The following CDK12 variants were observed in gnomAD, a reference collection of about 807,000 sequenced individuals.
CDK12 encodes the protein cyclin dependent kinase 12, also known as cyclin-dependent kinase 12.
A neutral mutation model predicts 133.8 loss-of-function variants in CDK12; 17 were observed. The observed-to-expected ratio is 0.13, with a 90% CI of 0.09 to 0.19. The LOEUF (loss-of-function observed/expected upper bound fraction) is 0.19, where lower values mean the gene tolerates loss of function less well. CDK12 is among the 10% of genes least tolerant of loss of function. The pLI, the probability that CDK12 is intolerant of heterozygous loss-of-function variation, is 1.00. For missense variants in CDK12, 1,508 were observed against 1,818.7 expected, an observed-to-expected ratio of 0.83 and a Z score of 3.11; for synonymous variants, 694 against 683.6, an observed-to-expected ratio of 1.02 and a Z score of -0.24.
chr17:39,559,240 C>T (rs1434147419), intron 3 of CDK12, among the ~76,000 whole-genome samples: 3 of 152,104 alleles, frequency 2.0e-5, no homozygotes, highest in Non-Finnish European at 4.4e-5. Flanking sequence ...CCACTTTCAC[C>T]GAATGGTGAC....
chr17:39,473,612 C>T (rs892345219), intron 2 of CDK12, among the ~76,000 whole-genome samples: 1 of 151,946 alleles, frequency 6.6e-6, no homozygotes, highest in Non-Finnish European at 1.5e-5. Context: ...CGGGTGTGGC[C>T]AGGTGCGGTG....
chr17:39,547,466 G>A (rs1289729103), upstream of CDK12, among the ~76,000 whole-genome samples: 2 of 152,120 alleles, frequency 1.3e-5, no homozygotes, highest in African/African-American at 2.4e-5. Context: ...ATGGTTTTAT[G>A]TGTGCATTTG....
chr17:39,515,840 G>T (rs2146468375), intron 9 of CDK12, 32 bp downstream of exon 9: 1 of 1,375,424 alleles, frequency 7.3e-7, no homozygotes, highest in East Asian at 2.3e-5. Flanking sequence ...TGAGTGCCCA[G>T]GTGTGATAGG....
intron 13 of CDK12, among the ~76,000 whole-genome samples, chr17:39,528,154 T>A (rs7405770): frequency 0.69 from 103,662 of 151,104 alleles, 36,329 homozygotes; most frequent in South Asian, 0.89. Context: ...TGCCGACCTC[T>A]GGTGATCCAC....
rs8080529 is a variant in CDK12 at position 39,499,218 on chromosome 17, T to C, written c.2420-2032T>C. On this transcript the variant is annotated intron_variant, in intron 5 of 13. Coordinates refer to ENST00000447079, the MANE Select transcript of CDK12 (RefSeq NM_016507.4). ...TTCTTTCTTTCTTTCCTTTTTTTTT[T>C]TTTTTTGAGACAGAGTCTTGCTCTT... Among the ~76,000 whole-genome samples, 8 of 106,796 alleles carry C rather than the reference T, an allele frequency of 7.5e-5. 1 individual carries two copies. The highest frequency in any genetic ancestry group is 4.1e-4 in the Admixed American group (4 of 9,722). 70.1% of individuals were successfully genotyped at this position (106,796 alleles called of 152,430 possible).
In CDK12 at chr17:39,461,849, C is replaced by G. The variant is rs1234622008; in HGVS notation, c.-223C>G. ...CCCCGTTGTCTCGCAACTCCACTGC[C>G]GAGGAACTCTCATTTCTTCCCTCGC... On this transcript the variant is annotated 5_prime_UTR_variant, in exon 1 of 14. Transcript: ENST00000447079. 5.2e-6 allele frequency: 3 copies of G among 577,932 alleles called. No individual in the cohort carries two copies. The highest frequency in any genetic ancestry group is 2.8e-5 in the East Asian group (1 of 35,280). The allele number at this position is 577,932 out of a possible 1,614,324, so 35.8% of individuals were successfully genotyped here.
At position 39,471,595 on chromosome 17, in the gene CDK12, C is replaced by T. The variant is rs754684736; in HGVS notation, c.1763C>T (p.Thr588Ile). ...AGTACTTCAACTTTGCCCCCTTCTA[C>T]TCACTCAAAGACATCTGCTGTGTCC... ...ASSTSTLPPS[T>I]HSKTSAVSSQ... is the part of the protein sequence containing the mutation. Residue 588 changes from threonine (T) to isoleucine (I), a missense_variant, in exon 2 of 14, where the codon ACT (threonine) becomes ATT (isoleucine). By Grantham distance (89) the Thr-to-Ile change is moderately conservative. This residue lies in a region of CDK12 where 347 missense variants were observed against 330.8 expected (regional missense o/e 1.05). Transcript: ENST00000447079. The T allele has an allele frequency of 1.9e-5, 31 of 1,614,172 alleles. No homozygotes were observed. The South Asian group carries it at 2.6e-4, about 14-fold the overall frequency.
upstream of CDK12, chr17:39,549,971 ACT>A (rs1328125164): frequency 7.0e-6 from 1 of 142,876 alleles, no homozygotes; most frequent in East Asian, 2.1e-4. Flanking sequence ...GTCTTCCTCT[ACT>A]CTCTCCCTCA....
At chr17:39,561,914 C>T (rs751401700) in intron 3 of CDK12, among the ~76,000 whole-genome samples, 9 of 152,080 alleles carry the variant, frequency 5.9e-5, no homozygotes, top group Non-Finnish European at 1.2e-4. Flanking sequence ...TGAGGCTAGA[C>T]CTGGAATGGG....
intron 5 of CDK12, 62 bp downstream of exon 5, chr17:39,494,756 TTTTTC>T (rs2145918916): frequency 1.6e-6 from 2 of 1,248,564 alleles, no homozygotes; most frequent in Non-Finnish European, 2.2e-6. Flanking sequence ...TTTCTTTTTT[TTTTTC>T]TTTCTTTCTT....
intron 5 of CDK12, among the ~76,000 whole-genome samples, chr17:39,501,031 C>G (rs2052683146): frequency 2.0e-5 from 3 of 152,138 alleles, no homozygotes; most frequent in Admixed American, 2.0e-4. Flanking sequence ...CCACTGCGCC[C>G]AGCCACAGAA....
Position 39,462,418 on chromosome 17 carries a change from A to T in CDK12, c.347A>T (p.His116Leu), listed in dbSNP as rs200703770. Residue 116 changes from histidine (H) to leucine (L), a missense_variant, in exon 1 of 14, where the codon CAC (histidine) becomes CTC (leucine). Around this residue, in one of 9 missense-constraint regions of CDK12, gnomAD observed 460 missense variants for 490.8 expected, o/e 0.94. Coordinates refer to ENST00000447079, the MANE Select transcript of CDK12 (RefSeq NM_016507.4). ...CTGCACAAACATCGTCACCACCAGC[A>T]CAGGCGTTCCCGGGACTTACTAAAA... ...DRLHKHRHHQ[H>L]RRSRDLLKAK... The T allele has an allele frequency of 6.2e-7, 1 of 1,614,034 alleles. No homozygotes were observed. Among genetic ancestry groups the T allele is most frequent in the Admixed American group, 1.7e-5 (1 of 59,988 alleles).
rs961023194 is a variant in CDK12 at position 39,534,046 on chromosome 17, G to C, written c.*2730G>C. On this transcript the variant is annotated 3_prime_UTR_variant, in exon 14 of 14. Coordinates refer to ENST00000447079, the MANE Select transcript of CDK12 (RefSeq NM_016507.4). ...TTGAACAGATGAGAAATCTGATTCT[G>C]TTCATGAGTGGGAGGCAAAACTGGT... 31 of 232,422 alleles carry C rather than the reference G, an allele frequency of 1.3e-4. 1 individual carries two copies. The East Asian group carries it at 1.8e-3, about 14-fold the overall frequency. The allele number at this position is 232,422 out of a possible 1,614,324, so 14.4% of individuals were successfully genotyped here.
At chr17:39,526,835 C>T (rs2054525552) in intron 13 of CDK12, among the ~76,000 whole-genome samples, 1 of 152,250 alleles carries the variant, frequency 6.6e-6, no homozygotes, top group Admixed American at 6.5e-5. Context: ...AGATAATTAA[C>T]ACTATACATT....
rs2146372669 is a variant in CDK12 at position 39,511,550 on chromosome 17, C to T, written c.2688C>T (p.Val896=). ...TCAGTCGCCCTTACACAAACAAAGTCATTACTTTGTGGTACCGACCTCCAG... is the reference window on the plus strand; with the variant it reads ...TCAGTCGCCCTTACACAAACAAAGTTATTACTTTGTGGTACCGACCTCCAG... The part of the protein sequence containing the change: ...SEESRPYTNK[V]ITLWYRPPEL... Residue 896 remains valine (V), a synonymous_variant, in exon 8 of 14, where the codon GTC becomes GTT. Transcript: ENST00000447079. 6.2e-7 allele frequency: 1 copy of T among 1,608,008 alleles called. No individual in the cohort carries two copies. The highest frequency in any genetic ancestry group is 8.5e-7 in the Non-Finnish European group (1 of 1,175,070).
Position 39,534,234 on chromosome 17 carries a change from T to A in CDK12, c.*2918T>A, listed in dbSNP as rs1214138693. Reference sequence around the variant, plus strand: ...CACAAATTTGCAAGTAGAACTTCTATTAGCTTATGCCATAGACATCACCCA... The same window carrying A: ...CACAAATTTGCAAGTAGAACTTCTAATAGCTTATGCCATAGACATCACCCA... On this transcript the variant is annotated 3_prime_UTR_variant, in exon 14 of 14. Transcript: ENST00000447079. 4.3e-6 allele frequency: 1 copy of A among 232,880 alleles called. No homozygotes were observed. The highest frequency in any genetic ancestry group is 2.2e-5 in the African/African-American group (1 of 45,344). The allele number at this position is 232,880 out of a possible 1,614,324, so 14.4% of individuals were successfully genotyped here.
At position 39,470,816 on chromosome 17, in the gene CDK12, ATC is replaced by A; in HGVS notation, c.1047-61_1047-60del. The stretch of plus-strand genomic sequence containing the variant: ...CAGTTCTTCATAGTTTGTTTTATTG[ATC>A]TGTTTTCCTCCATATACTACTGTAG... On this transcript the variant is annotated intron_variant, in intron 1 of 13. Coordinates refer to ENST00000447079, the MANE Select transcript of CDK12 (RefSeq NM_016507.4). The A allele has an allele frequency of 6.9e-6, 9 of 1,295,106 alleles. No homozygotes were observed. The South Asian group carries it at 1.2e-4, about 17-fold the overall frequency. 80.2% of individuals were successfully genotyped at this position (1,295,106 alleles called of 1,614,324 possible).
At position 39,531,199 on chromosome 17, in the gene CDK12, C is replaced by T. The variant is rs1444572048; in HGVS notation, c.4356C>T (p.Ser1452=). Residue 1452 remains serine, a synonymous_variant, in exon 14 of 14, where the codon AGC becomes AGT. Coordinates refer to ENST00000447079, the MANE Select transcript of CDK12 (RefSeq NM_016507.4). ...GGCCAGGAACCACTGGGGCCAGCAG[C>T]TCAGGAGCAGGCCTTCACTGGGGGG... ...ELGPGTTGAS[S]SGAGLHWGGP... is the part of the protein sequence containing the mutation. 6.6e-7 allele frequency: 1 copy of T among 1,520,132 alleles called. No individual in the cohort carries two copies. The highest frequency in any genetic ancestry group is 1.3e-5 in the South Asian group (1 of 75,068). 94.2% of individuals were successfully genotyped at this position (1,520,132 alleles called of 1,614,324 possible).
chr17:39,517,324 G>A (rs974030283), intron 9 of CDK12, 116 bp from the exon 10 acceptor site: 17 of 681,874 alleles, frequency 2.5e-5, no homozygotes, highest in Middle Eastern at 2.5e-4. Context: ...GCCCTGTAAT[G>A]TAATAACCAA....
Sources: gnomAD v4.1 joint callset for allele counts (sites outside exome capture counted in the v4.1 genomes callset) on GRCh38, gnomAD v4.1.1 for gene constraint, gnomAD v4.1.1 regional missense constraint, MANE v1.5 for transcripts, NCBI Gene and HGNC (gene_info 2026-07-23, HGNC 2026-07-21) for gene names.